ARHGEF4: variants seen among roughly 807,000 people sequenced by gnomAD.
ARHGEF4 encodes APC-stimulated guanine nucleotide exchange factor 1.
A neutral mutation model predicts 162.0 loss-of-function variants in ARHGEF4; 119 were observed. The ratio of observed to expected loss-of-function variants is 0.73; its 90% CI spans 0.63 to 0.86. The LOEUF (loss-of-function observed/expected upper bound fraction) is 0.86, where lower values mean the gene tolerates loss of function less well. ARHGEF4 is among the 40% of genes least tolerant of loss of function. ARHGEF4 has a pLI of 0.00. For missense variants in ARHGEF4, 2,488 were observed against 2,456.0 expected, an observed-to-expected ratio of 1.01 and a Z score of -0.28; for synonymous variants, 1,014 against 979.9, an observed-to-expected ratio of 1.03 and a Z score of -0.65.
In ARHGEF4 at chr2:130,845,312, C is replaced by T. The variant is rs193160293; in HGVS notation, c.39+8320C>T. Among the ~76,000 whole-genome samples, 631 of 151,702 alleles carry T rather than the reference C, an allele frequency of 4.2e-3. 8 individuals are homozygous for T. The highest frequency in any genetic ancestry group is 0.015 in the African/African-American group (609 of 41,414). ...TTTGAGCCCAGGAGTTCCAGACCAGCCTGGGCAACATAGGGAGACCCCGTC... is the reference window on the plus strand; with the variant it reads ...TTTGAGCCCAGGAGTTCCAGACCAGTCTGGGCAACATAGGGAGACCCCGTC... On this transcript the variant is annotated intron_variant, in intron 1 of 13. Transcript: ENST00000409359.
At chr2:130,980,888 T>G (rs1264204276) in intron 4 of ARHGEF4, among the ~76,000 whole-genome samples, 1 of 152,222 alleles carries the variant, frequency 6.6e-6, no homozygotes, top group Non-Finnish European at 1.5e-5. Context: ...TCCTGAATAT[T>G]AAAACCATGT....
intron 4 of ARHGEF4, among the ~76,000 whole-genome samples, chr2:131,025,506 C>T (rs10928498): frequency 0.84 from 128,011 of 152,136 alleles, 56,597 homozygotes; most frequent in Non-Finnish European, 0.98. Flanking sequence ...TTTTAAGGAA[C>T]TTGCCATTTG....
intron 4 of ARHGEF4, among the ~76,000 whole-genome samples, chr2:130,976,375 A>C (rs1685716982): frequency 6.8e-6 from 1 of 147,014 alleles, no homozygotes; most frequent in Non-Finnish European, 1.5e-5. Context: ...GTGTGTACAC[A>C]TCTGTACAAC....
chr2:130,842,337 C>T (rs1009765433), intron 1 of ARHGEF4, among the ~76,000 whole-genome samples: 1 of 152,226 alleles, frequency 6.6e-6, no homozygotes, highest in Non-Finnish European at 1.5e-5. Context: ...ACACATCCTT[C>T]TGGCTGTATA....
At chr2:130,906,326 A>G (rs946581869) in intron 1 of ARHGEF4, among the ~76,000 whole-genome samples, 5 of 152,210 alleles carry the variant, frequency 3.3e-5, no homozygotes, top group Non-Finnish European at 7.3e-5. Flanking sequence ...GCAGATAAAC[A>G]TACGTTGTAT....
chr2:131,005,820 TAGAC>T (rs1469233181), intron 4 of ARHGEF4, among the ~76,000 whole-genome samples: 1 of 152,144 alleles, frequency 6.6e-6, no homozygotes, highest in Non-Finnish European at 1.5e-5. Context: ...GTGTCTGTAG[TAGAC>T]AGAATTCTCA....
At chr2:130,877,547 G>C (rs573272139) in intron 1 of ARHGEF4, among the ~76,000 whole-genome samples, 1 of 152,248 alleles carries the variant, frequency 6.6e-6, no homozygotes, top group Non-Finnish European at 1.5e-5. Flanking sequence ...CTGCTTGGGG[G>C]GCTGAGGTGG....
In ARHGEF4 at chr2:130,915,700, G is replaced by T; in HGVS notation, c.1754G>T (p.Gly585Val). ...DPNYREQALQ[G>V]LSEFKAATVS... is the part of the protein sequence containing the mutation. ...AACTACAGGGAACAGGCTTTGCAAG[G>T]TCTTTCAGAATTCAAGGCAGCCACG... The change falls in exon 2 of 14, where the codon GGT becomes GTT. Residue 585 changes from glycine to valine, a missense_variant. Transcript: ENST00000409359. 1 of 1,550,342 alleles carries T rather than the reference G, an allele frequency of 6.5e-7. No individual in the cohort carries two copies. Among genetic ancestry groups the T allele is most frequent in the Non-Finnish European group, 8.7e-7 (1 of 1,146,852 alleles).
At chr2:131,011,742 T>G in intron 4 of ARHGEF4, 1 of 1,164,066 alleles carries the variant, frequency 8.6e-7, no homozygotes, top group Non-Finnish European at 1.2e-6. Flanking sequence ...TAAGGAGTTT[T>G]GACTGTCACT....
chr2:130,955,608 A>T (rs1684219725), intron 4 of ARHGEF4, among the ~76,000 whole-genome samples: 6 of 152,052 alleles, frequency 3.9e-5, no homozygotes, highest in Admixed American at 3.9e-4. Flanking sequence ...CTCTGACCAC[A>T]CCACACTGTT....
At chr2:130,877,449 T>G (rs575219053) in intron 1 of ARHGEF4, among the ~76,000 whole-genome samples, 13 of 152,304 alleles carry the variant, frequency 8.5e-5, no homozygotes, top group African/African-American at 3.1e-4. Flanking sequence ...GCCAGACTTC[T>G]AAGGCTTAGC....
chr2:130,853,690 C>T (rs943169797), intron 1 of ARHGEF4, among the ~76,000 whole-genome samples: 9 of 152,146 alleles, frequency 5.9e-5, no homozygotes, highest in South Asian at 2.1e-4. Context: ...GCCTATGGTG[C>T]GGTCTGCCCC....
At chr2:130,946,232 G>A (rs1023207590) in intron 3 of ARHGEF4, among the ~76,000 whole-genome samples, 1 of 152,216 alleles carries the variant, frequency 6.6e-6, no homozygotes, top group African/African-American at 2.4e-5. Flanking sequence ...CCAGCTTGGG[G>A]AGAGTTGGGA....
chr2:131,038,825 AC>A (rs773057315), intron 5 of ARHGEF4, 27 bp from the exon 6 acceptor site: 1 of 1,581,536 alleles, frequency 6.3e-7, no homozygotes, highest in Non-Finnish European at 8.6e-7. Flanking sequence ...TCCCCCACTG[AC>A]CCGCCTGCCC....
At chr2:130,879,718 G>A (rs1175823518) in intron 1 of ARHGEF4, among the ~76,000 whole-genome samples, 4 of 152,032 alleles carry the variant, frequency 2.6e-5, no homozygotes, top group South Asian at 2.1e-4. Flanking sequence ...TTTTACTTGC[G>A]TAATGGCCTC....
chr2:131,043,456 A>G lies in ARHGEF4; in HGVS notation c.5030A>G (p.Glu1677Gly). 1 of 1,613,922 alleles carries G rather than the reference A, an allele frequency of 6.2e-7. No individual in the cohort carries two copies. The highest frequency in any genetic ancestry group is 8.5e-7 in the Non-Finnish European group (1 of 1,179,996). The change falls in exon 11 of 14, where the codon GAA (glutamate) becomes GGA (glycine). Residue 1677 changes from glutamate to glycine, a missense_variant. Physicochemically the swap from Glu to Gly is moderately conservative, Grantham distance 98. Coordinates refer to ENST00000409359, the MANE Select transcript of ARHGEF4 (RefSeq NM_001367493.1). ...WQSSIEDWEG[E>G]DLLVRSSELI... is the part of the protein sequence containing the mutation. The stretch of plus-strand genomic sequence containing the variant: ...TTCTCCTTGGGATCTTCCCAGGGAG[A>G]AGATCTCTTGGTCAGGAGCTCAGAA...
intron 4 of ARHGEF4, among the ~76,000 whole-genome samples, chr2:130,994,208 AAC>A (rs898601207): frequency 1.3e-5 from 2 of 152,220 alleles, no homozygotes; most frequent in Admixed American, 1.3e-4. Context: ...TGTGCAACAC[AAC>A]TAGTAATATA....
chr2:131,015,638 C>T (rs1688727411), intron 4 of ARHGEF4, among the ~76,000 whole-genome samples: 1 of 152,170 alleles, frequency 6.6e-6, no homozygotes, highest in Admixed American at 6.5e-5. Flanking sequence ...GCTTGGAATC[C>T]CAGCACTTTG....
chr2:131,010,985 G>C (rs1383379182), intron 4 of ARHGEF4, among the ~76,000 whole-genome samples: 2 of 152,210 alleles, frequency 1.3e-5, no homozygotes, highest in Admixed American at 6.5e-5. Context: ...GCAATTATTA[G>C]AGCAGAGGTG....
Sources: allele counts gnomAD v4.1 joint callset (sites outside exome capture counted in the v4.1 genomes callset), GRCh38; gene constraint gnomAD v4.1.1; transcripts MANE v1.5; gene names NCBI Gene and HGNC (gene_info 2026-07-23, HGNC 2026-07-21).